ZCCHC8: variants seen among roughly 807,000 people sequenced by gnomAD.
The protein encoded by ZCCHC8 is zinc finger CCHC-type containing 8.
ZCCHC8 carries 27 observed loss-of-function variants against 70.6 expected under a neutral mutation model. The observed-to-expected ratio is 0.38, with a 90% CI of 0.28 to 0.53. The LOEUF (loss-of-function observed/expected upper bound fraction) is 0.53. ZCCHC8 is among the 20% of genes least tolerant of loss of function. ZCCHC8 has a pLI of 0.81. For synonymous variants in ZCCHC8, 293 were observed against 317.4 expected (o/e 0.92, Z 0.82); for missense variants, 737 against 876.9 (o/e 0.84, Z 2.01).
chr12:122,483,477 T>A lies in ZCCHC8; in HGVS notation c.588A>T (p.Glu196Asp). The A allele has an allele frequency of 1.3e-5, 21 of 1,593,590 alleles. No homozygotes were observed. Among genetic ancestry groups the A allele is most frequent in the Non-Finnish European group, 1.8e-5 (21 of 1,168,696 alleles). ...PLLNENPQLS[E>D]GWEIPKYHQV... ...TAGGATACTTGGGTATTTCCCATCCTTCGGAAAGCTGAGGGTTTTCATTTA... is the reference window on the plus strand; with the variant it reads ...TAGGATACTTGGGTATTTCCCATCCATCGGAAAGCTGAGGGTTTTCATTTA... Residue 196 changes from glutamate (E) to aspartate (D), a missense_variant, in exon 6 of 14, where the codon GAA (glutamate) becomes GAT (aspartate). By Grantham distance (45) the Glu-to-Asp change is conservative (BLOSUM62 2). Transcript: ENST00000633063. The surrounding 1 kb of genome is among the most constrained non-coding windows in gnomAD (Gnocchi z 4.4).
chr12:122,478,527 A>C, intron 11 of ZCCHC8: 1 of 431,800 alleles, frequency 2.3e-6, no homozygotes. Flanking sequence ...TTGGCCAAAA[A>C]AGGTTCTACA....
In ZCCHC8 at chr12:122,492,625, G is replaced by A. The variant is rs907640600; in HGVS notation, c.317+90C>T. ...GCATTTTAAGTAAAATAATAAAAAT[G>A]ATATGAGTACAAATGAAAACAGCAT... On this transcript the variant is annotated intron_variant, in intron 3 of 13. Coordinates refer to ENST00000633063, the MANE Select transcript of ZCCHC8 (RefSeq NM_017612.5). 9.6e-6 allele frequency: 8 copies of A among 833,654 alleles called. 1 individual carries two copies. The highest frequency in any genetic ancestry group is 8.4e-5 in the East Asian group (3 of 35,838). 51.6% of individuals were successfully genotyped at this position (833,654 alleles called of 1,614,324 possible). A position where few individuals can be genotyped will look rare whatever the true frequency, so the allele number is the denominator to read the frequency against.
At chr12:122,475,548 C>T (rs939071573) in intron 13 of ZCCHC8, among the ~76,000 whole-genome samples, 10 of 152,208 alleles carry the variant, frequency 6.6e-5, no homozygotes, top group African/African-American at 2.4e-4. Context: ...TGAGAGTACT[C>T]TCTTTCCTTC....
intron 2 of ZCCHC8, among the ~76,000 whole-genome samples, chr12:122,497,897 T>C (rs1190303936): frequency 6.6e-6 from 1 of 151,900 alleles, no homozygotes; most frequent in East Asian, 1.9e-4. Context: ...TAGTCCCAGC[T>C]ATTTGGGAGG....
chr12:122,497,915 G>A (rs1253515918), intron 2 of ZCCHC8, among the ~76,000 whole-genome samples: 1 of 151,790 alleles, frequency 6.6e-6, no homozygotes, highest in Non-Finnish European at 1.5e-5. Context: ...AGGCTGAGGC[G>A]GGAGGATCAA....
At position 122,473,885 on chromosome 12, in the gene ZCCHC8, T is replaced by A. The variant is rs1392176392; in HGVS notation, c.1736A>T (p.Asp579Val). 1.2e-6 allele frequency: 2 copies of A among 1,613,824 alleles called. No individual in the cohort carries two copies. Among genetic ancestry groups the A allele is most frequent in the East Asian group, 2.2e-5 (1 of 44,894 alleles). ...AAAAATCTCTGGTACCTCAGGCTCA[T>A]CCAGCGTCTGCTTTTCAGATGTTTT... Reference protein sequence around the residue: ...EGKTSEKQTLDEPEVPEIFTK... With the variant: ...EGKTSEKQTLVEPEVPEIFTK... Residue 579 changes from aspartate to valine, a missense_variant, in exon 14 of 14, where the codon GAT (aspartate) becomes GTT (valine). Coordinates refer to ENST00000633063, the MANE Select transcript of ZCCHC8 (RefSeq NM_017612.5).
intron 7 of ZCCHC8, 122 bp from the exon 8 acceptor site, chr12:122,482,817 C>A: frequency 2.7e-6 from 2 of 728,002 alleles, no homozygotes; most frequent in Non-Finnish European, 4.6e-6. Context: ...TCACAGATCA[C>A]TAATATCTGC....
At chr12:122,479,072 C>T (rs561443747) in intron 11 of ZCCHC8, among the ~76,000 whole-genome samples, 22 of 152,280 alleles carry the variant, frequency 1.4e-4, no homozygotes, top group African/African-American at 5.3e-4. Context: ...CAAGGATACA[C>T]TTTTTATTTT....
rs577084431 is a variant in ZCCHC8 at position 122,497,558 on chromosome 12, AT to A, written c.242+1268del. Among the ~76,000 whole-genome samples, 18 of 152,292 alleles carry A rather than the reference AT, an allele frequency of 1.2e-4. No homozygotes were observed. In the South Asian group the frequency reaches 3.5e-3, roughly 30 times the overall value. On this transcript the variant is annotated intron_variant, in intron 2 of 13. Transcript: ENST00000633063. ...CTCTGTCTCAAAAAAATTAAAAAAT[AT>A]AATAAAAAAGTGCATGTGAAATTAC...
At chr12:122,477,820 G>C (rs1957449394) in intron 13 of ZCCHC8, 21 bp downstream of exon 13, 4 of 1,371,168 alleles carry the variant, frequency 2.9e-6, no homozygotes, top group Non-Finnish European at 4.2e-6. Flanking sequence ...AGAGAAATCA[G>C]AGCCATAGGA....
At position 122,492,750 on chromosome 12, in the gene ZCCHC8, T is replaced by C; in HGVS notation, c.282A>G (p.Ile94Met). Residue 94 changes from isoleucine to methionine, a missense_variant, in exon 3 of 14, where the codon ATA becomes ATG. Transcript: ENST00000633063. ...CATTGTTCATGAATAGAATCTGTAATATAGGTCCATCTAACTTAGTATCGT... is the reference window on the plus strand; with the variant it reads ...CATTGTTCATGAATAGAATCTGTAACATAGGTCCATCTAACTTAGTATCGT... The part of the protein sequence containing the change: ...LVNDTKLDGP[I>M]LQILFMNNAI... The C allele has an allele frequency of 2.6e-6, 4 of 1,549,638 alleles. No homozygotes were observed. Among genetic ancestry groups the C allele is most frequent in the Non-Finnish European group, 8.8e-7 (1 of 1,142,508 alleles).
Position 122,473,831 on chromosome 12 carries a change from G to C in ZCCHC8, c.1790C>G (p.Ser597Cys). The C allele has an allele frequency of 3.1e-6, 5 of 1,613,928 alleles. No homozygotes were observed. The highest frequency in any genetic ancestry group is 4.2e-6 in the Non-Finnish European group (5 of 1,179,886). The part of the protein sequence containing the change: ...FTKKSEAGHA[S>C]SPDSEVTSLC... ...TGATGTCACCTCAGAGTCTGGACTGGAGGCATGTCCAGCTTCTGATTTCTT... is the reference window on the plus strand; with the variant it reads ...TGATGTCACCTCAGAGTCTGGACTGCAGGCATGTCCAGCTTCTGATTTCTT... Residue 597 changes from serine (S) to cysteine (C), a missense_variant, in exon 14 of 14, where the codon TCC becomes TGC. Ser to Cys is a moderately radical substitution (Grantham distance 112). Coordinates refer to ENST00000633063, the MANE Select transcript of ZCCHC8 (RefSeq NM_017612.5).
In ZCCHC8 at chr12:122,483,732, A is replaced by G; in HGVS notation, c.502-169T>C. 3.3e-6 allele frequency: 2 copies of G among 612,296 alleles called. No homozygotes were observed. The highest frequency in any genetic ancestry group is 5.6e-6 in the Non-Finnish European group (2 of 354,240). The allele number at this position is 612,296 out of a possible 1,614,324, so 37.9% of individuals were successfully genotyped here. Reference sequence around the variant, plus strand: ...ACTTTGATGTGTAAGTAGAAACTACATCGTCAGTTCCCTCTCTCTGCTAGA... The same window carrying G: ...ACTTTGATGTGTAAGTAGAAACTACGTCGTCAGTTCCCTCTCTCTGCTAGA... On this transcript the variant is annotated intron_variant, in intron 5 of 13. Coordinates refer to ENST00000633063, the MANE Select transcript of ZCCHC8 (RefSeq NM_017612.5). This position sits in a 1 kb window ranked among gnomAD's most constrained non-coding sequence, Gnocchi z 4.4.
Position 122,498,872 on chromosome 12 carries a change from TA to T in ZCCHC8, c.200-4del, listed in dbSNP as rs774844559. The T allele has an allele frequency of 8.7e-6, 14 of 1,612,814 alleles. No individual in the cohort carries two copies. In the Admixed American group the frequency reaches 2.2e-4, roughly 25 times the overall value. On this transcript the variant is annotated splice_region_variant and splice_polypyrimidine_tract_variant and intron_variant, in intron 1 of 13. Transcript: ENST00000633063. ...CAATTTTCGTTTAAGTTCTTGATGTTATTATTTGTTAAGGAAGATAAGCCCT... is the reference window on the plus strand; with the variant it reads ...CAATTTTCGTTTAAGTTCTTGATGTTTTATTTGTTAAGGAAGATAAGCCCT...
intron 5 of ZCCHC8, among the ~76,000 whole-genome samples, chr12:122,485,017 A>G (rs1957605830): frequency 6.6e-6 from 1 of 152,194 alleles, no homozygotes; most frequent in Admixed American, 6.5e-5. Flanking sequence ...CCTAGGTCTC[A>G]GTCCTCCTCT....
chr12:122,473,632 CAT>C lies in ZCCHC8; in HGVS notation c.1987_1988del (p.Met663GlufsTer11). 1 of 1,613,928 alleles carries C rather than the reference CAT, an allele frequency of 6.2e-7. No individual in the cohort carries two copies. The highest frequency in any genetic ancestry group is 8.5e-7 in the Non-Finnish European group (1 of 1,179,884). On this transcript the variant is annotated frameshift_variant, in exon 14 of 14. Transcript: ENST00000633063. LOFTEE classifies it high-confidence loss of function. ...GCGTGATTCCAGTTGCAAATTTGCT[CAT>C]GTCAGGTATAGGGCTATGAATTTTA... The part of the protein sequence containing the change: ...ATKIHSPIPD[M>X]SKFATGITPF...
intron 13 of ZCCHC8, among the ~76,000 whole-genome samples, chr12:122,475,593 A>C (rs1957403768): frequency 6.6e-6 from 1 of 151,996 alleles, no homozygotes; most frequent in Admixed American, 6.6e-5. Flanking sequence ...TCTGGGGTGC[A>C]TGCTCTCCTG....
At chr12:122,486,483 C>T (rs561294139) in intron 5 of ZCCHC8, among the ~76,000 whole-genome samples, 1 of 149,816 alleles carries the variant, frequency 6.7e-6, no homozygotes, top group Non-Finnish European at 1.5e-5. Flanking sequence ...CCCTCTATCA[C>T]TTCTCATCTT....
chr12:122,484,988 C>T (rs1957605418), intron 5 of ZCCHC8, among the ~76,000 whole-genome samples: 1 of 152,208 alleles, frequency 6.6e-6, no homozygotes, highest in Non-Finnish European at 1.5e-5. Context: ...ATCCCTCTAT[C>T]TTCCATGTAT....
Sources: gnomAD v4.1 joint callset for allele counts (sites outside exome capture counted in the v4.1 genomes callset) on GRCh38, gnomAD v4.1.1 for gene constraint, Gnocchi (gnomAD v3.1) non-coding constraint, MANE v1.5 for transcripts, NCBI Gene and HGNC (gene_info 2026-07-23, HGNC 2026-07-21) for gene names.